The following CUX1 variants were observed in gnomAD, a reference collection of about 807,000 sequenced individuals.
The protein encoded by CUX1 is cut like homeobox 1.
CUX1 carries 31 observed loss-of-function variants against 158.8 expected under a neutral mutation model. The ratio of observed to expected loss-of-function variants is 0.20; its 90% CI spans 0.15 to 0.26. The LOEUF is 0.26. Among genes scored for constraint, CUX1 ranks in the 10% least tolerant of loss-of-function variants. CUX1 has a pLI of 1.00. For synonymous variants in CUX1, 879 were observed against 862.1 expected (o/e 1.02, Z -0.34); for missense variants, 1,589 against 2,014.6 (o/e 0.79, Z 4.04).
intron 12 of CUX1, among the ~76,000 whole-genome samples, chr7:102,192,991 A>T (rs1360148674): frequency 6.6e-6 from 1 of 152,234 alleles, no homozygotes; most frequent in Non-Finnish European, 1.5e-5. Context: ...TTTCAGTGCC[A>T]TTGAGAACAA....
chr7:102,247,782 C>A (rs1800976362), intron 23 of CUX1, among the ~76,000 whole-genome samples: 1 of 152,212 alleles, frequency 6.6e-6, no homozygotes, highest in Admixed American at 6.5e-5. Context: ...GATGGCACCA[C>A]TGCACTCCAG....
At position 102,083,088 on chromosome 7, in the gene CUX1, T is replaced by C. The variant is rs551670291; in HGVS notation, c.268+12671T>C. 1.7e-4 allele frequency among the ~76,000 whole-genome samples: 25 copies of C among 147,100 alleles called. 3 individuals carry two copies. In the South Asian group the frequency reaches 4.8e-3, roughly 28 times the overall value. ...TTTCCTCAGGATAGCAAAGTTACAG[T>C]TGTATTATTTTATCCCCTCATAAGA... On this transcript the variant is annotated intron_variant, in intron 4 of 23. Transcript: ENST00000292535.
At chr7:102,185,787 C>T (rs1308558754) in intron 11 of CUX1, among the ~76,000 whole-genome samples, 3 of 152,056 alleles carry the variant, frequency 2.0e-5, no homozygotes, top group Admixed American at 6.6e-5. Flanking sequence ...AGAGAGCCCC[C>T]GGCTCATCCT....
intron 22 of CUX1, among the ~76,000 whole-genome samples, chr7:102,235,003 G>A (rs1463274034): frequency 1.3e-5 from 2 of 152,238 alleles, no homozygotes; most frequent in African/African-American, 2.4e-5. Flanking sequence ...ACCCGGCCTG[G>A]AAAGTGACAA....
chr7:101,906,168 C>G (rs1286998224), intron 1 of CUX1, among the ~76,000 whole-genome samples: 1 of 151,918 alleles, frequency 6.6e-6, no homozygotes, highest in Non-Finnish European at 1.5e-5. Flanking sequence ...TGTGATGTCC[C>G]CAGGACCCTG....
intron 20 of CUX1, among the ~76,000 whole-genome samples, chr7:102,213,947 A>C (rs1420791911): frequency 6.6e-6 from 1 of 152,194 alleles, no homozygotes; most frequent in African/African-American, 2.4e-5. Flanking sequence ...GGCCTGGCCA[A>C]CATGGCAAAA....
At chr7:102,280,373 C>T (rs969306378) in intron 19 of CUX1, among the ~76,000 whole-genome samples, 5 of 152,214 alleles carry the variant, frequency 3.3e-5, no homozygotes, top group African/African-American at 7.2e-5. Context: ...CATTCAGGAA[C>T]ACCTGCCGAG....
chr7:101,855,800 C>T (rs1193625336), intron 1 of CUX1, among the ~76,000 whole-genome samples: 2 of 151,412 alleles, frequency 1.3e-5, no homozygotes, highest in African/African-American at 4.9e-5. Context: ...ATCGCTTGAA[C>T]CCGAGAGGCG....
chr7:102,019,068 C>A (rs562494294), intron 2 of CUX1, among the ~76,000 whole-genome samples: 1 of 152,270 alleles, frequency 6.6e-6, no homozygotes, highest in East Asian at 1.9e-4. Context: ...CACGTGCTGC[C>A]AGATCACGGC....
intron 1 of CUX1, among the ~76,000 whole-genome samples, chr7:101,849,531 T>C (rs1796056349): frequency 6.6e-6 from 1 of 152,320 alleles, no homozygotes; most frequent in Non-Finnish European, 1.5e-5. Context: ...TCTGGCTGCA[T>C]AGTATTCTGT....
chr7:102,097,547 T>TTC (rs10638510), intron 5 of CUX1, 46 bp downstream of exon 5: 860,236 of 1,539,258 alleles, frequency 0.56, 249,266 homozygotes, highest in African/African-American at 0.79. Context: ...TTCTTTTTTT[T>TTC]CTCTTCTTTT....
At chr7:102,245,950 C>T (rs1351520017) in intron 23 of CUX1, among the ~76,000 whole-genome samples, 9 of 149,162 alleles carry the variant, frequency 6.0e-5, no homozygotes, top group Middle Eastern at 3.4e-3. Context: ...CCAGCCTGGG[C>T]GTCAGAGTGA....
rs781894402 is a variant in CUX1, at chr7:102,201,778, G to A, written c.2481G>A (p.Ala827=). Residue 827 remains alanine (A), a synonymous_variant, in exon 18 of 24, where the codon GCG becomes GCA. Coordinates refer to ENST00000292535, the MANE Select transcript of CUX1 (RefSeq NM_181552.4). The surrounding 1 kb of genome is among the most constrained non-coding windows in gnomAD (Gnocchi z 5.0). ...CCTGGAAGGACCACTGGTGGAGCGC[G>A]GTGCAGCCGGAGAGAAGAAATGCCG... is the stretch of plus-strand genomic sequence containing the variant. ...SGAWKDHWWS[A]VQPERRNAAS... The A allele has an allele frequency of 1.6e-5, 26 of 1,612,566 alleles. No homozygotes were observed. Among genetic ancestry groups the A allele is most frequent in the Admixed American group, 1.0e-4 (6 of 59,988 alleles).
At chr7:102,220,699 C>T (rs1162218844) in intron 20 of CUX1, among the ~76,000 whole-genome samples, 1 of 152,244 alleles carries the variant, frequency 6.6e-6, no homozygotes, top group Non-Finnish European at 1.5e-5. Flanking sequence ...TTGTATCTTG[C>T]ACCAGTCCCC....
chr7:102,111,558 C>CGT, intron 6 of CUX1, 140 bp from the exon 7 acceptor site: 2 of 703,864 alleles, frequency 2.8e-6, no homozygotes, highest in Non-Finnish European at 5.0e-6. Context: ...CCACGGCACA[C>CGT]GTGTCGTTGC....
chr7:102,180,124 A>G (rs1554513497), intron 11 of CUX1, among the ~76,000 whole-genome samples: 1 of 152,018 alleles, frequency 6.6e-6, no homozygotes, highest in African/African-American at 2.4e-5. Flanking sequence ...CCTGGATTCA[A>G]GCAATTCTCC....
intron 19 of CUX1, 135 bp from the exon 20 acceptor site, chr7:102,204,979 C>A: frequency 1.5e-6 from 1 of 660,236 alleles, no homozygotes; most frequent in Non-Finnish European, 2.7e-6. Flanking sequence ...CAGCGCCTCC[C>A]CGGCCCGTGG....
In CUX1 at chr7:101,916,395, T is replaced by C; in HGVS notation, c.141+170T>C. The C allele has an allele frequency of 3.8e-6, 2 of 533,062 alleles. No homozygotes were observed. Among genetic ancestry groups the C allele is most frequent in the South Asian group, 3.9e-5 (2 of 50,988 alleles). The allele number at this position is 533,062 out of a possible 1,614,324, so 33.0% of individuals were successfully genotyped here. A position where few individuals can be genotyped will look rare whatever the true frequency, so the allele number is the denominator to read the frequency against. On this transcript the variant is annotated intron_variant, in intron 2 of 23. Transcript: ENST00000292535. The surrounding 1 kb of genome is among the most constrained non-coding windows in gnomAD (Gnocchi z 4.4). ...CCCATTTCCAGCAGAACGCATGCCATCCTGCAGGCTGTGGGGATGTGGAAA... is the reference window on the plus strand; with the variant it reads ...CCCATTTCCAGCAGAACGCATGCCACCCTGCAGGCTGTGGGGATGTGGAAA...
chr7:101,825,874 G>A (rs2130964169), intron 1 of CUX1, among the ~76,000 whole-genome samples: 1 of 151,954 alleles, frequency 6.6e-6, no homozygotes, highest in East Asian at 1.9e-4. Flanking sequence ...CACGAGCTGA[G>A]TGCGTCGTCT....
Sources: gnomAD v4.1 joint callset for allele counts (sites outside exome capture counted in the v4.1 genomes callset) on GRCh38, gnomAD v4.1.1 for gene constraint, Gnocchi (gnomAD v3.1) non-coding constraint, MANE v1.5 for transcripts, NCBI Gene and HGNC (gene_info 2026-07-23, HGNC 2026-07-21) for gene names.